Variants in ABCB11 observed in about 807,000 individuals in gnomAD.
ABCB11 encodes the protein ATP binding cassette subfamily B member 11.
A neutral mutation model predicts 148.0 loss-of-function variants in ABCB11; 95 were observed. The observed-to-expected ratio is 0.64, with a 90% CI of 0.54 to 0.76. The LOEUF (loss-of-function observed/expected upper bound fraction) is 0.76. Ranked by LOEUF, ABCB11 falls within the 30% of genes least tolerant of loss-of-function variation. The pLI, the probability that ABCB11 is intolerant of heterozygous loss-of-function variation, is 0.00. For synonymous variants in ABCB11, 591 were observed against 555.4 expected (o/e 1.06, Z -0.90); for missense variants, 1,523 against 1,617.8 (o/e 0.94, Z 1.01).
intron 6 of ABCB11, 91 bp from the exon 7 acceptor site, chr2:168,995,573 T>C: frequency 7.3e-7 from 1 of 1,360,666 alleles, no homozygotes; most frequent in Non-Finnish European, 1.0e-6. Context: ...AATACAACAG[T>C]TGAGAAAAGG....
At position 168,923,475 on chromosome 2, in the gene ABCB11, T is replaced by C; in HGVS notation, c.*147A>G. On this transcript the variant is annotated 3_prime_UTR_variant, in exon 28 of 28. Coordinates refer to ENST00000650372, the MANE Select transcript of ABCB11 (RefSeq NM_003742.4). Reference sequence around the variant, plus strand: ...TTAGAAATTAGCTTGGATTCCGATGTAGGAAAATGACTGTAAAAGTAAAAT... The same window carrying C: ...TTAGAAATTAGCTTGGATTCCGATGCAGGAAAATGACTGTAAAAGTAAAAT... 1 of 715,784 alleles carries C rather than the reference T, an allele frequency of 1.4e-6. No individual in the cohort carries two copies. Among genetic ancestry groups the C allele is most frequent in the Non-Finnish European group, 2.3e-6 (1 of 430,238 alleles). 44.3% of individuals were successfully genotyped at this position (715,784 alleles called of 1,614,324 possible).
chr2:168,972,264 A>G (rs1364887654), intron 13 of ABCB11, among the ~76,000 whole-genome samples: 4 of 152,096 alleles, frequency 2.6e-5, no homozygotes, highest in Non-Finnish European at 1.5e-5. Flanking sequence ...GGAAACATAA[A>G]TGATGTAAAT....
chr2:168,916,738 TATG>T (rs1232327333), downstream of ABCB11, among the ~76,000 whole-genome samples: 1 of 152,236 alleles, frequency 6.6e-6, no homozygotes, highest in Non-Finnish European at 1.5e-5. Flanking sequence ...GTGCTCATTT[TATG>T]ATGGTACACA....
chr2:168,967,806 G>C (rs1278982679), intron 17 of ABCB11, among the ~76,000 whole-genome samples: 1 of 151,888 alleles, frequency 6.6e-6, no homozygotes, highest in East Asian at 1.9e-4. Context: ...TCTTAAACCA[G>C]GATGAAAGAC....
chr2:168,966,180 C>T (rs1352758532), intron 17 of ABCB11, among the ~76,000 whole-genome samples: 1 of 151,816 alleles, frequency 6.6e-6, no homozygotes, highest in Non-Finnish European at 1.5e-5. Context: ...AGGCTTGTGT[C>T]AGCTGGTGAG....
intron 3 of ABCB11, among the ~76,000 whole-genome samples, chr2:169,016,079 A>G (rs913312890): frequency 1.3e-5 from 2 of 151,464 alleles, no homozygotes; most frequent in African/African-American, 2.4e-5. Flanking sequence ...TCAACTTCCT[A>G]CTCATCCTCT....
chr2:168,969,443 G>A lies in ABCB11; in HGVS notation c.1918C>T (p.His640Tyr). ...EHGTAVERGT[H>Y]EELLERKGVY... ...CCTTTCCTTTCCAGTAATTCTTCAT[G>A]GGTCCCTCTTTCCACTGCAGTGCCA... Residue 640 changes from histidine to tyrosine, a missense_variant, in exon 16 of 28, where the codon CAT becomes TAT. Coordinates refer to ENST00000650372, the MANE Select transcript of ABCB11 (RefSeq NM_003742.4). 1 of 1,612,562 alleles carries A rather than the reference G, an allele frequency of 6.2e-7. No individual in the cohort carries two copies. The highest frequency in any genetic ancestry group is 8.5e-7 in the Non-Finnish European group (1 of 1,179,226).
At chr2:168,943,682 CT>C (rs1692171349) in intron 21 of ABCB11, among the ~76,000 whole-genome samples, 2 of 152,088 alleles carry the variant, frequency 1.3e-5, no homozygotes, top group Middle Eastern at 3.4e-3. Flanking sequence ...GGATTTCCCC[CT>C]AAGTGAAAGG....
At chr2:169,012,020 A>G (rs1004461215) in intron 5 of ABCB11, among the ~76,000 whole-genome samples, 4 of 152,102 alleles carry the variant, frequency 2.6e-5, no homozygotes, top group Admixed American at 1.3e-4. Context: ...TTCCTGGTAT[A>G]TTTGATGTTT....
At chr2:168,952,433 A>G (rs1054228819) in intron 19 of ABCB11, among the ~76,000 whole-genome samples, 3 of 150,990 alleles carry the variant, frequency 2.0e-5, no homozygotes, top group Non-Finnish European at 3.0e-5. Flanking sequence ...CAGGTTTTCT[A>G]TTTCTTCCTG....
At chr2:168,992,104 C>G (rs1025355600) in intron 8 of ABCB11, among the ~76,000 whole-genome samples, 27 of 151,528 alleles carry the variant, frequency 1.8e-4, no homozygotes, top group African/African-American at 6.6e-4. Flanking sequence ...ACATTTGAGC[C>G]TAGTGAAGTT....
chr2:169,029,706 A>G (rs1198140162), intron 1 of ABCB11, among the ~76,000 whole-genome samples: 1 of 149,152 alleles, frequency 6.7e-6, no homozygotes, highest in Non-Finnish European at 1.5e-5. Context: ...TTTGTCTCTA[A>G]ATGTACAGTT....
intron 21 of ABCB11, among the ~76,000 whole-genome samples, chr2:168,943,674 AT>A (rs1692170846): frequency 6.6e-6 from 1 of 151,978 alleles, no homozygotes; most frequent in Non-Finnish European, 1.5e-5. Context: ...ATTTATAGGG[AT>A]TTCCCCCTAA....
chr2:168,995,711 G>T (rs559072133), intron 6 of ABCB11, among the ~76,000 whole-genome samples: 1 of 151,954 alleles, frequency 6.6e-6, no homozygotes. Context: ...ATCCAGCTCT[G>T]ACACTTAAGC....
Position 168,924,718 on chromosome 2 carries a change from C to T in ABCB11, c.3704G>A (p.Arg1235Gln), listed in dbSNP as rs750033238. The T allele has an allele frequency of 2.5e-5, 41 of 1,613,502 alleles. No individual in the cohort carries two copies. The highest frequency in any genetic ancestry group is 2.0e-4 in the South Asian group (18 of 91,064). Residue 1235 changes from arginine (R) to glutamine (Q), a missense_variant, in exon 27 of 28, where the codon CGA becomes CAA. By Grantham distance (43) the Arg-to-Gln change is conservative. Transcript: ENST00000650372. ...QRIAIARAIV[R>Q]DPKILLLDEA... Reference sequence around the variant, plus strand: ...ATCTAGTAGCAAGATTTTAGGATCTCGTACAATGGCCCGAGCAATAGCAAT... The same window carrying T: ...ATCTAGTAGCAAGATTTTAGGATCTTGTACAATGGCCCGAGCAATAGCAAT...
chr2:169,014,609 A>G (rs1163099632), intron 3 of ABCB11, among the ~76,000 whole-genome samples: 13 of 152,164 alleles, frequency 8.5e-5, no homozygotes, highest in Admixed American at 8.5e-4. Context: ...ATGGAGAGAA[A>G]GTAAAAAGTC....
intron 23 of ABCB11, 74 bp from the exon 24 acceptor site, chr2:168,932,607 G>T: frequency 6.4e-7 from 1 of 1,551,708 alleles, no homozygotes; most frequent in South Asian, 1.2e-5. Flanking sequence ...CAGAAGTTTG[G>T]GGATCTAGCC....
chr2:168,938,240 C>A (rs1559186295), intron 21 of ABCB11, among the ~76,000 whole-genome samples: 1 of 152,142 alleles, frequency 6.6e-6, no homozygotes, highest in East Asian at 1.9e-4. Context: ...CATTTGTACA[C>A]CCACGTTCAG....
At chr2:169,005,713 A>C (rs1352670805) in intron 5 of ABCB11, among the ~76,000 whole-genome samples, 1 of 152,180 alleles carries the variant, frequency 6.6e-6, no homozygotes, top group Non-Finnish European at 1.5e-5. Context: ...GTGTTCTTAC[A>C]ACAAAAAAAG....
Sources: allele counts gnomAD v4.1 joint callset (sites outside exome capture counted in the v4.1 genomes callset), GRCh38; gene constraint gnomAD v4.1.1; transcripts MANE v1.5; gene names NCBI Gene and HGNC (gene_info 2026-07-23, HGNC 2026-07-21).